ADGRB3: variants seen among roughly 807,000 people sequenced by gnomAD.
ADGRB3 encodes adhesion G protein-coupled receptor B3, also known as brain-specific angiogenesis inhibitor 3.
In ADGRB3, 37 loss-of-function variants were observed where a neutral mutation model predicts 193.4. The ratio of observed to expected loss-of-function variants is 0.19; its 90% CI spans 0.15 to 0.25. ADGRB3 has a LOEUF of 0.25. Among genes scored for constraint, ADGRB3 ranks in the 10% least tolerant of loss-of-function variants. The pLI, the probability that ADGRB3 is intolerant of heterozygous loss-of-function variation, is 1.00. For synonymous variants in ADGRB3, 690 were observed against 644.2 expected (o/e 1.07, Z -1.08); for missense variants, 1,637 against 1,852.9 (o/e 0.88, Z 2.14).
chr6:68,781,541 A>G (rs1766852465), intron 3 of ADGRB3, among the ~76,000 whole-genome samples: 1 of 152,144 alleles, frequency 6.6e-6, no homozygotes, highest in Admixed American at 6.6e-5. Flanking sequence ...TCCTAAGAGT[A>G]AAGGTCTCAT....
intron 17 of ADGRB3, among the ~76,000 whole-genome samples, chr6:69,132,147 T>C (rs1173255907): frequency 2.6e-5 from 4 of 152,148 alleles, no homozygotes; most frequent in African/African-American, 9.7e-5. Flanking sequence ...TACCCAGCAA[T>C]GGGATTGCTG....
At chr6:69,126,544 G>T (rs905580866) in intron 17 of ADGRB3, among the ~76,000 whole-genome samples, 1 of 152,072 alleles carries the variant, frequency 6.6e-6, no homozygotes. Flanking sequence ...AGAGAAGACG[G>T]GTGTCCCATC....
chr6:69,342,919 A>T (rs1769005939), intron 26 of ADGRB3, among the ~76,000 whole-genome samples: 1 of 151,754 alleles, frequency 6.6e-6, no homozygotes. Flanking sequence ...ATATATATAT[A>T]TTTCTATTTC....
chr6:69,104,079 A>G (rs1354519147), intron 17 of ADGRB3, among the ~76,000 whole-genome samples: 1 of 151,956 alleles, frequency 6.6e-6, no homozygotes, highest in Non-Finnish European at 1.5e-5. Context: ...GTACATGTGC[A>G]CATTGTGCAG....
intron 3 of ADGRB3, among the ~76,000 whole-genome samples, chr6:68,644,426 A>T (rs2246104): frequency 0.6 from 91,820 of 151,966 alleles, 28,526 homozygotes; most frequent in African/African-American, 0.74. Flanking sequence ...TAAGAAAATT[A>T]GCCATTTTCT....
In ADGRB3 at chr6:69,389,286, T is replaced by C. The variant is rs1045410810; in HGVS notation, c.*395T>C. 2 of 154,168 alleles carry C rather than the reference T, an allele frequency of 1.3e-5. No individual in the cohort carries two copies. The highest frequency in any genetic ancestry group is 4.8e-5 in the African/African-American group (2 of 41,510). 9.6% of individuals were successfully genotyped at this position (154,168 alleles called of 1,614,324 possible). A position where few individuals can be genotyped will look rare whatever the true frequency, so the allele number is the denominator to read the frequency against. ...GGCCATTACTACACTTTTTACTTTA[T>C]AATATAAAAGCAAAGTTTTTGTCAT... On this transcript the variant is annotated 3_prime_UTR_variant, in exon 32 of 32. Transcript: ENST00000370598.
chr6:68,771,385 TACACAC>T (rs3040851), intron 3 of ADGRB3, among the ~76,000 whole-genome samples: 17,116 of 147,884 alleles, frequency 0.12, 1,165 homozygotes, highest in Middle Eastern at 0.32. Flanking sequence ...AGGGAATATA[TACACAC>T]ACACACACAC....
In ADGRB3 at chr6:69,305,459, C is replaced by T. The variant is rs1768048993; in HGVS notation, c.2815-19413C>T. Among the ~76,000 whole-genome samples the T allele has an allele frequency of 1.3e-5, 2 of 151,476 alleles. 1 individual carries two copies. The highest frequency in any genetic ancestry group is 1.3e-4 in the Admixed American group (2 of 15,190). On this transcript the variant is annotated intron_variant, in intron 20 of 31. Transcript: ENST00000370598. Reference sequence around the variant, plus strand: ...AATTTTTCATTATATTAAGTTGCCACCCATCTGCTATGAAGGAGATAATCC... The same window carrying T: ...AATTTTTCATTATATTAAGTTGCCATCCATCTGCTATGAAGGAGATAATCC...
intron 17 of ADGRB3, among the ~76,000 whole-genome samples, chr6:69,212,214 G>A (rs1480596417): frequency 1.3e-5 from 2 of 152,122 alleles, no homozygotes; most frequent in Non-Finnish European, 2.9e-5. Context: ...CCTGTGAAAC[G>A]TGTTTTATGA....
chr6:68,919,132 C>A (rs557259615), intron 3 of ADGRB3, among the ~76,000 whole-genome samples: 1 of 152,144 alleles, frequency 6.6e-6, no homozygotes, highest in South Asian at 2.1e-4. Context: ...TATTACTCTG[C>A]AATTATGTAA....
rs1768013721 is a variant in ADGRB3, at chr6:68,638,945, T to C, written c.270T>C (p.Phe90=). ...CSNFSLLAYQ[F]DHFSHEKIKD... is the part of the protein sequence containing the mutation. The stretch of plus-strand genomic sequence containing the variant: ...ACTTTTCACTCCTGGCTTATCAGTT[T>C]GATCATTTTTCCCATGAAAAAATAA... Residue 90 remains phenylalanine (F), a synonymous_variant, in exon 3 of 32, where the codon TTT becomes TTC. Transcript: ENST00000370598. 1 of 1,614,160 alleles carries C rather than the reference T, an allele frequency of 6.2e-7. No individual in the cohort carries two copies. The highest frequency in any genetic ancestry group is 8.5e-7 in the Non-Finnish European group (1 of 1,180,020).
intron 20 of ADGRB3, among the ~76,000 whole-genome samples, chr6:69,259,027 C>T (rs1766843792): frequency 6.6e-6 from 1 of 152,162 alleles, no homozygotes; most frequent in East Asian, 1.9e-4. Flanking sequence ...CTCAGTTTTA[C>T]TGCATGTCAA....
At chr6:68,854,097 G>A (rs534491148) in intron 3 of ADGRB3, among the ~76,000 whole-genome samples, 9 of 152,212 alleles carry the variant, frequency 5.9e-5, no homozygotes, top group South Asian at 2.1e-4. Flanking sequence ...ATTTTGTGTC[G>A]TTGTTTTTGT....
At chr6:69,013,969 A>C in intron 11 of ADGRB3, 69 bp from the exon 12 acceptor site, 1 of 1,075,198 alleles carries the variant, frequency 9.3e-7, no homozygotes. Context: ...TAGTCAACCC[A>C]AATGGGTGTT....
intron 3 of ADGRB3, among the ~76,000 whole-genome samples, chr6:68,902,364 T>C (rs951522093): frequency 5.3e-5 from 8 of 152,122 alleles, no homozygotes; most frequent in African/African-American, 1.9e-4. Flanking sequence ...GAATGATTAT[T>C]AACACATGGT....
In ADGRB3 at chr6:69,051,484, A is replaced by G. The variant is rs79175108; in HGVS notation, c.2333+2138A>G. Among the ~76,000 whole-genome samples, 1,183 of 152,314 alleles carry G rather than the reference A, an allele frequency of 7.8e-3. 18 individuals are homozygous for G. Among genetic ancestry groups the G allele is most frequent in the African/African-American group, 0.027 (1,129 of 41,572 alleles). On this transcript the variant is annotated intron_variant, in intron 15 of 31. Coordinates refer to ENST00000370598, the MANE Select transcript of ADGRB3 (RefSeq NM_001704.3). ...AAGTAATTTAGTAAATGTCTATAGG[A>G]CAACTAAATAGTGCTTAGATCATTG...
At chr6:69,069,551 T>TAAAAAAAAAAAAAA (rs1772011384) in intron 16 of ADGRB3, among the ~76,000 whole-genome samples, 1 of 1,028 alleles carries the variant, frequency 9.7e-4, no homozygotes. Flanking sequence ...CTACTAAAAA[T>TAAAAAAAAAAAAAA]ACAAAAAAAA....
At chr6:69,163,903 T>G (rs963913107) in intron 17 of ADGRB3, among the ~76,000 whole-genome samples, 1 of 152,172 alleles carries the variant, frequency 6.6e-6, no homozygotes, top group African/African-American at 2.4e-5. Context: ...AAACTATTTT[T>G]CAACCACGAC....
At chr6:69,292,900 T>G (rs1474939543) in intron 20 of ADGRB3, among the ~76,000 whole-genome samples, 5 of 146,988 alleles carry the variant, frequency 3.4e-5, no homozygotes, top group African/African-American at 1.3e-4. Context: ...CCGCAGAGTT[T>G]GATGTTCCCC....
Sources: gnomAD v4.1 joint callset for allele counts (sites outside exome capture counted in the v4.1 genomes callset) on GRCh38, gnomAD v4.1.1 for gene constraint, MANE v1.5 for transcripts, NCBI Gene and HGNC (gene_info 2026-07-23, HGNC 2026-07-21) for gene names.